ANO7: variants seen among roughly 807,000 people sequenced by gnomAD.
The protein encoded by ANO7 is anoctamin 7, also known as anoctamin-7.
ANO7 carries 114 observed loss-of-function variants against 115.8 expected under a neutral mutation model. The ratio of observed to expected loss-of-function variants is 0.98; its 90% confidence interval spans 0.85 to 1.15. ANO7 has a LOEUF of 1.15. Among genes scored for constraint, ANO7 ranks in the 50% most tolerant of loss-of-function variants. The pLI, the probability that ANO7 is intolerant of heterozygous loss-of-function variation, is 0.00. For synonymous variants in ANO7, 550 were observed against 498.2 expected (o/e 1.10, Z -1.38); for missense variants, 1,302 against 1,201.2 (o/e 1.08, Z -1.24).
At chr2:241,200,828 C>T (rs1006774094) in intron 6 of ANO7, among the ~76,000 whole-genome samples, 8 of 152,368 alleles carry the variant, frequency 5.3e-5, no homozygotes, top group African/African-American at 1.9e-4. Context: ...TGTTGCCCCA[C>T]CTATGGCTTC....
intron 22 of ANO7, 24 bp from the exon 23 acceptor site, chr2:241,223,638 G>A (rs753209048): frequency 8.1e-6 from 13 of 1,608,120 alleles, no homozygotes; most frequent in Middle Eastern, 1.7e-4. Context: ...TTGGGTGGGC[G>A]TGAGTGCCTT....
At chr2:241,213,077 C>G (rs1335575771) in intron 17 of ANO7, among the ~76,000 whole-genome samples, 2 of 152,140 alleles carry the variant, frequency 1.3e-5, no homozygotes, top group Non-Finnish European at 2.9e-5. Flanking sequence ...AAAGTGTGAG[C>G]CATTACGGTG....
chr2:241,210,216 C>T, intron 13 of ANO7, 79 bp from the exon 14 acceptor site: 2 of 1,385,120 alleles, frequency 1.4e-6, no homozygotes, highest in Non-Finnish European at 2.0e-6. Context: ...ACTAGAAGAG[C>T]TGTCGGGGGC....
At chr2:241,229,621 G>A (rs2069468723), downstream of ANO7, 2 of 1,613,830 alleles carry the variant, frequency 1.2e-6, no homozygotes, top group Middle Eastern at 1.6e-4. Context: ...GGGCCCCAAG[G>A]GAGGGTCTTG....
chr2:241,203,190 C>T lies in ANO7; in HGVS notation c.724-143C>T. On this transcript the variant is annotated intron_variant, in intron 8 of 24. Coordinates refer to ENST00000674324, the MANE Select transcript of ANO7 (RefSeq NM_001370694.2). This position sits in a 1 kb window ranked among gnomAD's most constrained non-coding sequence, Gnocchi z 4.8. The stretch of plus-strand genomic sequence containing the variant: ...GGACCACCCTGTACCCACCCCTCCA[C>T]ATTACTCTATTTTTTCTTCATGGAG... 1.7e-6 allele frequency: 1 copy of T among 605,468 alleles called. No homozygotes were observed. Among genetic ancestry groups the T allele is most frequent in the Admixed American group, 3.9e-5 (1 of 25,896 alleles). 37.5% of individuals were successfully genotyped at this position (605,468 alleles called of 1,614,324 possible).
chr2:241,236,804 T>G, the ANO7 span: 1 of 1,607,576 alleles, frequency 6.2e-7, no homozygotes, highest in Admixed American at 1.7e-5. Flanking sequence ...AGCTGACAGC[T>G]GCTGGAAGAG....
chr2:241,224,241 G>A lies in ANO7; in HGVS notation c.*88G>A, dbSNP rs909553948. The A allele has an allele frequency of 1.8e-5, 27 of 1,469,600 alleles. No homozygotes were observed. The East Asian group carries it at 1.9e-4, about 10-fold the overall frequency. The allele number at this position is 1,469,600 out of a possible 1,614,324, so 91.0% of individuals were successfully genotyped here. ...TCCTTTTCCTCTTCCCTCAGGCAGC[G>A]GCTGTGTGAACCGCTGGCTGCTGTT... On this transcript the variant is annotated 3_prime_UTR_variant, in exon 25 of 25. Transcript: ENST00000674324.
downstream of ANO7, chr2:241,230,173 G>A (rs373443431): frequency 3.7e-6 from 6 of 1,613,292 alleles, no homozygotes; most frequent in Non-Finnish European, 4.2e-6. The surrounding 1 kb of genome is among the most constrained non-coding windows in gnomAD (Gnocchi z 5.0). Flanking sequence ...TCCAGATTGA[G>A]GATGTGGTCG....
chr2:241,239,910 G>C, the ANO7 span: 1 of 1,614,058 alleles, frequency 6.2e-7, no homozygotes, highest in Non-Finnish European at 8.5e-7. This position sits in a 1 kb window ranked among gnomAD's most constrained non-coding sequence, Gnocchi z 4.6. Context: ...CCAGGTTTTG[G>C]ATCAAGGCCT....
the ANO7 span, chr2:241,236,511 A>C: frequency 3.4e-6 from 4 of 1,172,826 alleles, no homozygotes; most frequent in Non-Finnish European, 5.0e-6. Flanking sequence ...CTCCACTGCC[A>C]CTGCCGCTTG....
chr2:241,204,136 C>T (rs1256838204), intron 9 of ANO7, among the ~76,000 whole-genome samples: 8 of 152,200 alleles, frequency 5.3e-5, no homozygotes, highest in African/African-American at 1.9e-4. Flanking sequence ...GGCAGAGGGA[C>T]AGCTCCTGTG....
chr2:241,219,133 A>G (rs527771742), intron 21 of ANO7, among the ~76,000 whole-genome samples: 1 of 152,358 alleles, frequency 6.6e-6, no homozygotes, highest in African/African-American at 2.4e-5. Flanking sequence ...TAGAACCTGC[A>G]GAGCAGGTAG....
At position 241,188,822 on chromosome 2, in the gene ANO7, T is replaced by C. The variant is rs1389963775; in HGVS notation, c.-8+56T>C. 1 of 1,576,044 alleles carries C rather than the reference T, an allele frequency of 6.3e-7. No individual in the cohort carries two copies. The highest frequency in any genetic ancestry group is 8.6e-7 in the Non-Finnish European group (1 of 1,157,900). The stretch of plus-strand genomic sequence containing the variant: ...AGGGAGAAGGTGGAGCGTTGGACTC[T>C]AGGGAGGCAGGGCGGCACCCCAGCC... On this transcript the variant is annotated intron_variant, in intron 1 of 24. Transcript: ENST00000674324. The surrounding 1 kb of genome is among the most constrained non-coding windows in gnomAD (Gnocchi z 4.3).
intron 9 of ANO7, 129 bp from the exon 10 acceptor site, chr2:241,204,736 C>A: frequency 1.5e-6 from 1 of 658,182 alleles, no homozygotes; most frequent in East Asian, 2.7e-5. Flanking sequence ...TTGGCCTCCT[C>A]ACATAGGGCC....
downstream of ANO7, chr2:241,230,723 G>A: frequency 5.7e-6 from 9 of 1,589,426 alleles, no homozygotes; most frequent in Non-Finnish European, 7.8e-6. This position sits in a 1 kb window ranked among gnomAD's most constrained non-coding sequence, Gnocchi z 5.0. Context: ...CCCGGTGAGA[G>A]AGGATTCTCA....
downstream of ANO7, among the ~76,000 whole-genome samples, chr2:241,226,117 G>A (rs980062914): frequency 8.6e-5 from 13 of 151,934 alleles, no homozygotes; most frequent in African/African-American, 1.9e-4. Flanking sequence ...GCCCACGTGC[G>A]CCCTACCCTG....
intron 18 of ANO7, among the ~76,000 whole-genome samples, chr2:241,215,141 C>T (rs1006121093): frequency 2.6e-5 from 4 of 152,188 alleles, no homozygotes; most frequent in Non-Finnish European, 5.9e-5. Flanking sequence ...GACGCTACCC[C>T]TGGGACCAGC....
intron 19 of ANO7, 70 bp downstream of exon 19, chr2:241,216,308 G>A: frequency 1.4e-6 from 2 of 1,466,846 alleles, no homozygotes; most frequent in Admixed American, 2.6e-5. Context: ...CTCTGCTCAA[G>A]GGCCTCCCAG....
At position 241,203,945 on chromosome 2, in the gene ANO7, C is replaced by A; in HGVS notation, c.889+447C>A. On this transcript the variant is annotated intron_variant, in intron 9 of 24. Transcript: ENST00000674324. This position sits in a 1 kb window ranked among gnomAD's most constrained non-coding sequence, Gnocchi z 4.8. Reference sequence around the variant, plus strand: ...TCCTGGCTGCCCTCACCCCACTCAGCTCTTGGCACCCTCCCTTCCCCATCC... The same window carrying A: ...TCCTGGCTGCCCTCACCCCACTCAGATCTTGGCACCCTCCCTTCCCCATCC... Among the ~76,000 whole-genome samples the A allele has an allele frequency of 6.6e-6, 1 of 152,328 alleles. No individual in the cohort carries two copies. The highest frequency in any genetic ancestry group is 1.9e-4 in the East Asian group (1 of 5,190).
Sources: gnomAD v4.1 joint callset for allele counts (sites outside exome capture counted in the v4.1 genomes callset) on GRCh38, gnomAD v4.1.1 for gene constraint, Gnocchi (gnomAD v3.1) non-coding constraint, MANE v1.5 for transcripts, NCBI Gene and HGNC (gene_info 2026-07-23, HGNC 2026-07-21) for gene names.